ZNF722: variants seen among roughly 807,000 people sequenced by gnomAD.
ZNF722 encodes zinc finger protein 479 pseudogene.
At chr7:64,010,842 G>T in the ZNF722 span, among the ~76,000 whole-genome samples, 8 of 152,068 alleles carry the variant, frequency 5.3e-5, no homozygotes, top group South Asian at 2.1e-4. Flanking sequence ...TTGACAGTGG[G>T]GTGTTAAAGT....
chr7:64,015,167 G>C, the ZNF722 span: 1 of 1,377,226 alleles, frequency 7.3e-7, no homozygotes, highest in South Asian at 1.2e-5. Flanking sequence ...GTGTGGGTGA[G>C]TGTGAGGTGC....
chr7:64,007,222 T>TG, the ZNF722 span, among the ~76,000 whole-genome samples: 2,707 of 131,704 alleles, frequency 0.021, 74 homozygotes, highest in South Asian at 0.025. Context: ...ATTTGTGTGT[T>TG]TGTGTGTGTA....
the ZNF722 span, chr7:63,999,010 G>C: frequency 2.5e-6 from 4 of 1,577,322 alleles, no homozygotes; most frequent in South Asian, 4.4e-5. Flanking sequence ...GGTGAGTGCT[G>C]GGTCTGTCAT....
chr7:64,017,041 C>T, the ZNF722 span, among the ~76,000 whole-genome samples: 6 of 152,258 alleles, frequency 3.9e-5, no homozygotes, highest in Middle Eastern at 3.4e-3. Context: ...ATGTGAAAAG[C>T]CATTACTATC....
chr7:64,015,652 C>A, the ZNF722 span: 2 of 1,613,826 alleles, frequency 1.2e-6, no homozygotes, highest in Non-Finnish European at 1.7e-6. Context: ...GGAGAGAGAC[C>A]CTACAAATGT....
the ZNF722 span, among the ~76,000 whole-genome samples, chr7:64,009,438 A>G: frequency 2.6e-5 from 4 of 152,144 alleles, no homozygotes; most frequent in Non-Finnish European, 4.4e-5. Flanking sequence ...GTTTATTGAG[A>G]GTTTTTAGCA....
the ZNF722 span, chr7:64,015,819 C>T: frequency 6.2e-7 from 1 of 1,608,558 alleles, no homozygotes; most frequent in Non-Finnish European, 8.5e-7. Context: ...TGGAGAGAAA[C>T]CCTACAAATG....
chr7:64,013,770 A>G, the ZNF722 span, among the ~76,000 whole-genome samples: 1 of 152,104 alleles, frequency 6.6e-6, no homozygotes, highest in Non-Finnish European at 1.5e-5. Context: ...TCTTCGTCAT[A>G]TTATTTTAAG....
the ZNF722 span, chr7:64,015,576 T>A: frequency 6.2e-7 from 1 of 1,613,342 alleles, no homozygotes; most frequent in Non-Finnish European, 8.5e-7. Flanking sequence ...ACCCTACACA[T>A]GTGAAGAATG....
the ZNF722 span, among the ~76,000 whole-genome samples, chr7:64,009,827 C>T: frequency 6.6e-6 from 1 of 152,260 alleles, no homozygotes; most frequent in South Asian, 2.1e-4. Flanking sequence ...GTATCAGCTC[C>T]TCTTTATACC....
the ZNF722 span, among the ~76,000 whole-genome samples, chr7:64,008,017 G>T: frequency 6.6e-6 from 1 of 152,174 alleles, no homozygotes; most frequent in Non-Finnish European, 1.5e-5. Context: ...TTTTTCACAT[G>T]TCTGTTGGCT....
At chr7:64,007,648 A>T in the ZNF722 span, among the ~76,000 whole-genome samples, 1 of 152,064 alleles carries the variant, frequency 6.6e-6, no homozygotes, top group Non-Finnish European at 1.5e-5. Context: ...TTCTTTATGG[A>T]CATTTGGGTT....
the ZNF722 span, among the ~76,000 whole-genome samples, chr7:64,007,430 C>A: frequency 6.6e-6 from 1 of 151,954 alleles, no homozygotes; most frequent in Non-Finnish European, 1.5e-5. Context: ...TGTGATGTTC[C>A]CCGCCCTGTG....
At chr7:64,006,134 C>T in the ZNF722 span, 7 of 695,680 alleles carry the variant, frequency 1.0e-5, no homozygotes, top group Non-Finnish European at 1.5e-5. Flanking sequence ...CTAGAATTTT[C>T]TATTAAATCC....
At chr7:64,004,425 A>AAAAAAAAAAAAAATATATATATATAT in the ZNF722 span, among the ~76,000 whole-genome samples, 1 of 61,112 alleles carries the variant, frequency 1.6e-5, no homozygotes, top group African/African-American at 8.0e-5. Context: ...AAAAAAAAAA[A>AAAAAAAAAAAAAATATATATATATAT]ATATATATAT....
At chr7:64,017,209 G>A in the ZNF722 span, among the ~76,000 whole-genome samples, 3 of 152,000 alleles carry the variant, frequency 2.0e-5, no homozygotes, top group Non-Finnish European at 4.4e-5. Context: ...CATGGTGAAA[G>A]CCCATCTCTA....
the ZNF722 span, chr7:64,015,258 G>A: frequency 8.3e-7 from 1 of 1,211,500 alleles, no homozygotes; most frequent in South Asian, 1.2e-5. Flanking sequence ...GTGTGTCATA[G>A]TCTTTGGTAA....
chr7:64,002,171 G>A, the ZNF722 span, among the ~76,000 whole-genome samples: 3 of 152,100 alleles, frequency 2.0e-5, no homozygotes, highest in African/African-American at 4.8e-5. Flanking sequence ...GTGAGCCACA[G>A]CACCCAGCTC....
the ZNF722 span, among the ~76,000 whole-genome samples, chr7:64,014,669 G>A: frequency 6.6e-6 from 1 of 152,168 alleles, no homozygotes; most frequent in Non-Finnish European, 1.5e-5. Flanking sequence ...TCTTTCTGCT[G>A]TTGTAACATT....
Sources: allele counts gnomAD v4.1 joint callset (sites outside exome capture counted in the v4.1 genomes callset), GRCh38; gene constraint gnomAD v4.1.1; transcripts MANE v1.5; gene names NCBI Gene and HGNC (gene_info 2026-07-23, HGNC 2026-07-21).